TGFBR3: variants seen among roughly 807,000 people sequenced by gnomAD.
TGFBR3 encodes transforming growth factor beta receptor type 3.
TGFBR3 carries 46 observed loss-of-function variants against 87.9 expected under a neutral mutation model. The ratio of observed to expected loss-of-function variants is 0.52; its 90% confidence interval spans 0.41 to 0.67. The LOEUF is 0.67. TGFBR3 is among the 30% of genes least tolerant of loss of function. TGFBR3 has a pLI of 0.00. For synonymous variants in TGFBR3, 381 were observed against 391.6 expected, an observed-to-expected ratio of 0.97 and a Z score of 0.32; for missense variants, 866 against 1,041.9, an observed-to-expected ratio of 0.83 and a Z score of 2.32.
intron 13 of TGFBR3, among the ~76,000 whole-genome samples, chr1:91,710,962 T>C (rs776283456): frequency 6.6e-6 from 1 of 152,216 alleles, no homozygotes; most frequent in Non-Finnish European, 1.5e-5. Context: ...CACATGAAGC[T>C]GGGCTGTTCC....
intron 9 of TGFBR3, 82 bp from the exon 10 acceptor site, chr1:91,719,546 G>A: frequency 1.3e-6 from 2 of 1,547,924 alleles, no homozygotes; most frequent in Non-Finnish European, 1.8e-6. Context: ...CAATTGCCTG[G>A]TCTTCCAAGG....
chr1:91,742,309 C>A (rs535751337), intron 4 of TGFBR3, among the ~76,000 whole-genome samples: 1 of 152,350 alleles, frequency 6.6e-6, no homozygotes, highest in East Asian at 1.9e-4. Context: ...CAAGAAAAAA[C>A]CTTGTTCATT....
rs891107458 is a variant in TGFBR3 at position 91,885,976 on chromosome 1, C to CA, written c.-213dup. The CA allele has an allele frequency of 2.2e-6, 1 of 451,718 alleles. No individual in the cohort carries two copies. Among genetic ancestry groups the CA allele is most frequent in the Non-Finnish European group, 4.4e-6 (1 of 225,436 alleles). 28.0% of individuals were successfully genotyped at this position (451,718 alleles called of 1,614,324 possible). A position where few individuals can be genotyped will look rare whatever the true frequency, so the allele number is the denominator to read the frequency against. On this transcript the variant is annotated 5_prime_UTR_variant, in exon 1 of 17. Coordinates refer to ENST00000212355, the MANE Select transcript of TGFBR3 (RefSeq NM_003243.5). ...AGCGCTCGGCGGCGGCGAGCTCCGGCAGCTGCTGCGCCGCGGCAAAACTAC... is the reference window on the plus strand; with the variant it reads ...AGCGCTCGGCGGCGGCGAGCTCCGGCAAGCTGCTGCGCCGCGGCAAAACTAC...
At chr1:91,807,781 G>C (rs534717831) in intron 2 of TGFBR3, among the ~76,000 whole-genome samples, 3 of 152,310 alleles carry the variant, frequency 2.0e-5, no homozygotes, top group Admixed American at 6.5e-5. Flanking sequence ...ACTGGACATA[G>C]CAAGAGGTGT....
chr1:91,778,485 G>C (rs902840061), intron 3 of TGFBR3, among the ~76,000 whole-genome samples: 1 of 152,158 alleles, frequency 6.6e-6, no homozygotes, highest in Non-Finnish European at 1.5e-5. Context: ...TCACAATCCA[G>C]TGCTGTCTTC....
intron 2 of TGFBR3, among the ~76,000 whole-genome samples, chr1:91,797,942 GC>G (rs1675449283): frequency 1.3e-5 from 2 of 152,130 alleles, no homozygotes; most frequent in South Asian, 4.1e-4. Context: ...ACAATACAGA[GC>G]AAGATGTAAC....
intron 12 of TGFBR3, among the ~76,000 whole-genome samples, chr1:91,713,859 C>A (rs1672073817): frequency 6.6e-6 from 1 of 152,032 alleles, no homozygotes; most frequent in African/African-American, 2.4e-5. Flanking sequence ...TTAACATGAA[C>A]TCAGAAACCA....
intron 2 of TGFBR3, among the ~76,000 whole-genome samples, chr1:91,815,507 C>T (rs1676190104): frequency 6.6e-6 from 1 of 151,988 alleles, no homozygotes; most frequent in Non-Finnish European, 1.5e-5. Flanking sequence ...CTCCTCACTA[C>T]CCACTTTACG....
chr1:91,888,247 T>C (rs1001981932), upstream of TGFBR3, among the ~76,000 whole-genome samples: 5 of 152,214 alleles, frequency 3.3e-5, no homozygotes. Context: ...CATGTGGAAC[T>C]GTAAGTCCAA....
At chr1:91,864,800 T>G (rs1394368487) in intron 1 of TGFBR3, among the ~76,000 whole-genome samples, 1 of 152,206 alleles carries the variant, frequency 6.6e-6, no homozygotes, top group Non-Finnish European at 1.5e-5. Flanking sequence ...AAACTCCTCT[T>G]TCTTCTGTGA....
chr1:91,746,118 G>A lies in TGFBR3; in HGVS notation c.385-11159C>T, dbSNP rs546614037. Among the ~76,000 whole-genome samples, 25 of 152,190 alleles carry A rather than the reference G, an allele frequency of 1.6e-4. No homozygotes were observed. The South Asian group carries it at 2.1e-3, about 13-fold the overall frequency. On this transcript the variant is annotated intron_variant, in intron 4 of 16. Transcript: ENST00000212355. Reference sequence around the variant, plus strand: ...CTTAACACCCTGCATGTTTACACACGTCCAAGAGGAAAGCTCTGAGATGCT... The same window carrying A: ...CTTAACACCCTGCATGTTTACACACATCCAAGAGGAAAGCTCTGAGATGCT...
chr1:91,887,240 T>TTTTTTTTTC (rs1679348809), upstream of TGFBR3, among the ~76,000 whole-genome samples: 1 of 97,818 alleles, frequency 1.0e-5, no homozygotes, highest in Non-Finnish European at 2.1e-5. Flanking sequence ...CTATGCCTTT[T>TTTTTTTTTC]TTTTTTTTTT....
chr1:91,763,905 C>T (rs1323419202), intron 3 of TGFBR3, among the ~76,000 whole-genome samples: 1 of 152,182 alleles, frequency 6.6e-6, no homozygotes, highest in African/African-American at 2.4e-5. Context: ...ATTTTATTCA[C>T]CATTGCTTGT....
chr1:91,742,649 A>C (rs1571463573), intron 4 of TGFBR3, among the ~76,000 whole-genome samples: 2 of 152,328 alleles, frequency 1.3e-5, no homozygotes, highest in African/African-American at 4.8e-5. Flanking sequence ...CTGACATGAC[A>C]AATGTCTTCC....
intron 2 of TGFBR3, among the ~76,000 whole-genome samples, chr1:91,823,652 A>G (rs1676531610): frequency 6.6e-6 from 1 of 152,266 alleles, no homozygotes; most frequent in African/African-American, 2.4e-5. Flanking sequence ...AGAACAGGCA[A>G]AACTAATCTA....
intron 3 of TGFBR3, among the ~76,000 whole-genome samples, chr1:91,784,606 C>G (rs1674891739): frequency 6.6e-6 from 1 of 152,084 alleles, no homozygotes; most frequent in African/African-American, 2.4e-5. Flanking sequence ...AGCAATCAGG[C>G]AAGGGTTTGG....
At chr1:91,884,700 G>T (rs1679226623) in intron 1 of TGFBR3, among the ~76,000 whole-genome samples, 1 of 152,224 alleles carries the variant, frequency 6.6e-6, no homozygotes, top group African/African-American at 2.4e-5. Flanking sequence ...TTTTCCCATA[G>T]AGATGCTGTG....
chr1:91,732,842 G>A (rs1164516586), intron 5 of TGFBR3, among the ~76,000 whole-genome samples: 1 of 152,122 alleles, frequency 6.6e-6, no homozygotes, highest in Non-Finnish European at 1.5e-5. Flanking sequence ...GACAACCCGT[G>A]GCTCTCAGGG....
rs1396807108 is a variant in TGFBR3, at chr1:91,682,383, T to C, written c.*1356A>G. ...TCTTCAGCAGTAAAATAATTTAGCA[T>C]GATAATTCCCCCCTGGCATTCTTTT... On this transcript the variant is annotated 3_prime_UTR_variant, in exon 17 of 17. Transcript: ENST00000212355. 9.0e-6 allele frequency: 4 copies of C among 446,590 alleles called. No homozygotes were observed. The Admixed American group carries it at 9.7e-5, about 11-fold the overall frequency. The allele number at this position is 446,590 out of a possible 1,614,324, so 27.7% of individuals were successfully genotyped here.
Sources: gnomAD v4.1 joint callset for allele counts (sites outside exome capture counted in the v4.1 genomes callset) on GRCh38, gnomAD v4.1.1 for gene constraint, MANE v1.5 for transcripts, NCBI Gene and HGNC (gene_info 2026-07-23, HGNC 2026-07-21) for gene names.